CACNA2D3: variants seen among roughly 807,000 people sequenced by gnomAD.
The protein encoded by CACNA2D3 is voltage-dependent calcium channel subunit alpha-2/delta-3.
CACNA2D3 carries 60 observed loss-of-function variants against 160.6 expected under a neutral mutation model. That is an observed-to-expected ratio of 0.37 (90% CI 0.30 to 0.46). The LOEUF (loss-of-function observed/expected upper bound fraction) is 0.46. Among genes scored for constraint, CACNA2D3 ranks in the 20% least tolerant of loss-of-function variants. CACNA2D3 has a pLI of 1.00. For synonymous variants in CACNA2D3, 558 were observed against 492.9 expected (o/e 1.13, Z -1.75); for missense variants, 1,205 against 1,365.0 (o/e 0.88, Z 1.85).
chr3:54,910,102 A>G (rs148429198), intron 27 of CACNA2D3, among the ~76,000 whole-genome samples: 3 of 152,302 alleles, frequency 2.0e-5, no homozygotes, highest in African/African-American at 7.2e-5. Context: ...GCAGGATGTT[A>G]GGATCAATGC....
chr3:55,035,362 G>T (rs150756074), intron 35 of CACNA2D3, among the ~76,000 whole-genome samples: 5 of 152,266 alleles, frequency 3.3e-5, no homozygotes, highest in Admixed American at 3.3e-4. Flanking sequence ...TGAGGGAGTT[G>T]CAGAAAAACG....
At chr3:54,379,575 G>C (rs1335626843) in intron 3 of CACNA2D3, among the ~76,000 whole-genome samples, 3 of 152,148 alleles carry the variant, frequency 2.0e-5, no homozygotes, top group Non-Finnish European at 4.4e-5. Flanking sequence ...ATTTCGCCTT[G>C]GTTTATTATC....
At chr3:54,430,477 T>C (rs1699972729) in intron 4 of CACNA2D3, among the ~76,000 whole-genome samples, 1 of 152,238 alleles carries the variant, frequency 6.6e-6, no homozygotes, top group African/African-American at 2.4e-5. Context: ...TCTCCAGAAC[T>C]GACAGTTGGA....
chr3:54,217,264 C>A (rs1245183011), intron 2 of CACNA2D3, among the ~76,000 whole-genome samples: 1 of 152,202 alleles, frequency 6.6e-6, no homozygotes, highest in South Asian at 2.1e-4. Context: ...GGGGGGCTGG[C>A]TTGGGAGCCT....
chr3:54,452,531 C>A (rs1597309), intron 4 of CACNA2D3, among the ~76,000 whole-genome samples: 1 of 152,042 alleles, frequency 6.6e-6, no homozygotes, highest in Admixed American at 6.5e-5. Context: ...TGTATTTCTC[C>A]CAGCAGTCTC....
intron 2 of CACNA2D3, among the ~76,000 whole-genome samples, chr3:54,212,854 A>T (rs1701399508): frequency 1.3e-5 from 2 of 152,136 alleles, no homozygotes; most frequent in Non-Finnish European, 2.9e-5. Context: ...AGTTTCCTCA[A>T]GTGTGAACTG....
chr3:54,863,383 C>G (rs1341939457), intron 17 of CACNA2D3, among the ~76,000 whole-genome samples: 1 of 152,170 alleles, frequency 6.6e-6, no homozygotes, highest in African/African-American at 2.4e-5. Flanking sequence ...CCTTTGCCTA[C>G]AGCAGAGGTA....
At chr3:54,402,515 G>T (rs1358350339) in intron 4 of CACNA2D3, among the ~76,000 whole-genome samples, 1 of 152,130 alleles carries the variant, frequency 6.6e-6, no homozygotes, top group African/African-American at 2.4e-5. Flanking sequence ...TAGATTTTAA[G>T]TATGAAACTG....
intron 27 of CACNA2D3, among the ~76,000 whole-genome samples, chr3:54,929,730 A>G (rs1424768331): frequency 1.3e-5 from 2 of 152,172 alleles, no homozygotes; most frequent in African/African-American, 2.4e-5. Context: ...TAAGAACTCA[A>G]TGATTTCTTC....
At chr3:54,235,778 A>G (rs560099877) in intron 2 of CACNA2D3, among the ~76,000 whole-genome samples, 2 of 152,346 alleles carry the variant, frequency 1.3e-5, no homozygotes, top group South Asian at 4.1e-4. Flanking sequence ...GGCAGCAGAC[A>G]AGGAATTGCA....
chr3:54,617,637 T>G (rs1698883073), intron 9 of CACNA2D3, among the ~76,000 whole-genome samples: 1 of 152,188 alleles, frequency 6.6e-6, no homozygotes, highest in African/African-American at 2.4e-5. Context: ...AAGAATACAT[T>G]TTTATTATAT....
chr3:54,525,225 G>A (rs1212218316), intron 5 of CACNA2D3, among the ~76,000 whole-genome samples: 2 of 151,954 alleles, frequency 1.3e-5, no homozygotes, highest in African/African-American at 2.4e-5. Context: ...TTTCTTAGCC[G>A]CATATATCTC....
At chr3:54,413,412 A>C (rs538464889) in intron 4 of CACNA2D3, among the ~76,000 whole-genome samples, 4 of 147,012 alleles carry the variant, frequency 2.7e-5, no homozygotes, top group East Asian at 2.0e-4. Context: ...ATATATCTAT[A>C]TATATAGATA....
intron 4 of CACNA2D3, among the ~76,000 whole-genome samples, chr3:54,407,933 A>G (rs1699604592): frequency 6.6e-6 from 1 of 152,120 alleles, no homozygotes; most frequent in South Asian, 2.1e-4. Flanking sequence ...GGTGATTTCT[A>G]AGATCTCATC....
At chr3:54,458,858 G>C (rs1421570414) in intron 4 of CACNA2D3, among the ~76,000 whole-genome samples, 1 of 151,822 alleles carries the variant, frequency 6.6e-6, no homozygotes, top group Admixed American at 6.6e-5. Context: ...TGCCATGCTG[G>C]TGTGCTGCAC....
intron 3 of CACNA2D3, among the ~76,000 whole-genome samples, chr3:54,369,991 G>T (rs1698896424): frequency 6.6e-6 from 1 of 152,128 alleles, no homozygotes; most frequent in African/African-American, 2.4e-5. Flanking sequence ...TGACTAATTA[G>T]CTTCATGCCC....
intron 3 of CACNA2D3, among the ~76,000 whole-genome samples, chr3:54,377,194 T>C (rs1193928111): frequency 6.6e-6 from 1 of 152,226 alleles, no homozygotes; most frequent in Non-Finnish European, 1.5e-5. Context: ...AACCCTTCCA[T>C]AAAGGCCTTT....
intron 5 of CACNA2D3, among the ~76,000 whole-genome samples, chr3:54,539,825 A>G (rs559812226): frequency 1.1e-3 from 161 of 152,318 alleles, no homozygotes; most frequent in Non-Finnish European, 2.1e-3. Context: ...GAGATGTGTC[A>G]GAAAGTATTC....
intron 11 of CACNA2D3, among the ~76,000 whole-genome samples, chr3:54,745,212 G>GC (rs1373960491): frequency 6.6e-6 from 1 of 152,182 alleles, no homozygotes; most frequent in Non-Finnish European, 1.5e-5. Context: ...TCCATGGGAA[G>GC]AAAGAGGGAA....
Sources: allele counts gnomAD v4.1 joint callset (sites outside exome capture counted in the v4.1 genomes callset), GRCh38; gene constraint gnomAD v4.1.1; transcripts MANE v1.5; gene names NCBI Gene and HGNC (gene_info 2026-07-23, HGNC 2026-07-21).